GLIS3: variants seen among roughly 807,000 people sequenced by gnomAD.
GLIS3 encodes the protein zinc finger protein GLIS3.
A neutral mutation model predicts 78.6 loss-of-function variants in GLIS3; 53 were observed. That is an observed-to-expected ratio of 0.67 (90% confidence interval 0.54 to 0.85). The LOEUF (loss-of-function observed/expected upper bound fraction) is 0.85, where lower values mean the gene tolerates loss of function less well. GLIS3 is among the 40% of genes least tolerant of loss of function. The probability of loss-of-function intolerance (pLI) is 0.00; values close to 1 mark genes in which losing one functional copy is unlikely to be tolerated. For missense variants in GLIS3, 1,703 were observed against 1,231.1 expected (o/e 1.38, Z -5.74); for synonymous variants, 684 against 509.9 (o/e 1.34, Z -4.60).
the GLIS3 span, among the ~76,000 whole-genome samples, chr9:4,454,713 T>A: frequency 6.6e-6 from 1 of 152,194 alleles, no homozygotes; most frequent in Non-Finnish European, 1.5e-5. Context: ...CCTCTTCTGG[T>A]CTATGGGTTT....
chr9:4,197,132 T>A (rs934220785), intron 2 of GLIS3, among the ~76,000 whole-genome samples: 1 of 151,966 alleles, frequency 6.6e-6, no homozygotes, highest in Non-Finnish European at 1.5e-5. Flanking sequence ...GTGCATAGAT[T>A]GTGGTGCAGT....
intron 2 of GLIS3, among the ~76,000 whole-genome samples, chr9:4,223,442 A>G (rs1385585296): frequency 6.6e-6 from 1 of 152,218 alleles, no homozygotes; most frequent in African/African-American, 2.4e-5. Context: ...CTCACAAACA[A>G]ACCATACAGA....
At chr9:4,309,946 T>C (rs1817320473) in intron 3 of GLIS3, among the ~76,000 whole-genome samples, 1 of 152,260 alleles carries the variant, frequency 6.6e-6, no homozygotes, top group Non-Finnish European at 1.5e-5. Flanking sequence ...GTCTGTGCTA[T>C]ATTTTCAAAG....
intron 4 of GLIS3, among the ~76,000 whole-genome samples, chr9:4,022,827 T>C (rs567358591): frequency 6.6e-6 from 1 of 152,272 alleles, no homozygotes; most frequent in South Asian, 2.1e-4. Context: ...CAAGAAAGTA[T>C]ACACTATATG....
intron 2 of GLIS3, among the ~76,000 whole-genome samples, chr9:4,343,224 C>T (rs1056800623): frequency 2.0e-5 from 3 of 152,052 alleles, no homozygotes; most frequent in African/African-American, 7.2e-5. Context: ...CCCCTGTGGT[C>T]CCAGCTACTT....
chr9:4,269,133 T>G (rs1826275983), intron 2 of GLIS3, among the ~76,000 whole-genome samples: 1 of 152,192 alleles, frequency 6.6e-6, no homozygotes, highest in Non-Finnish European at 1.5e-5. Flanking sequence ...ACAAGACAAC[T>G]CCAATCCTTC....
In GLIS3 at chr9:3,886,456, G is replaced by GA. The variant is rs541959586; in HGVS notation, c.2129-6862dup. Among the ~76,000 whole-genome samples, 22 of 152,282 alleles carry GA rather than the reference G, an allele frequency of 1.4e-4. No homozygotes were observed. In the South Asian group the frequency reaches 3.3e-3, roughly 23 times the overall value. On this transcript the variant is annotated intron_variant, in intron 7 of 10. Transcript: ENST00000381971. ...GCATGACTGCACTTCGTTAAGGAGC[G>GA]AAAATGGGCTGTTACTAAAATGTCA... is the stretch of plus-strand genomic sequence containing the variant.
At chr9:3,968,890 C>A (rs1818161517) in intron 4 of GLIS3, among the ~76,000 whole-genome samples, 1 of 152,214 alleles carries the variant, frequency 6.6e-6, no homozygotes. Context: ...ACTGGACTGT[C>A]TGGGTAAAGA....
rs35272998 is a variant in GLIS3 at position 3,962,946 on chromosome 9, AGG to A, written c.1711-25759_1711-25758del. Among the ~76,000 whole-genome samples, 1,080 of 118,788 alleles carry A rather than the reference AGG, an allele frequency of 9.1e-3. 16 individuals are homozygous for A. Among genetic ancestry groups the A allele is most frequent in the African/African-American group, 0.016 (514 of 31,804 alleles). 77.9% of individuals were successfully genotyped at this position (118,788 alleles called of 152,430 possible). A position where few individuals can be genotyped will look rare whatever the true frequency, so the allele number is the denominator to read the frequency against. ...GTCCAACAAGATCTGCTGTGATTTA[AGG>A]GGGGGGGGGGGAGAGAGATTTATTG... On this transcript the variant is annotated intron_variant, in intron 4 of 10. Transcript: ENST00000381971.
chr9:4,332,827 G>C (rs897780616), intron 2 of GLIS3, among the ~76,000 whole-genome samples: 17 of 151,958 alleles, frequency 1.1e-4, no homozygotes, highest in African/African-American at 4.1e-4. Flanking sequence ...ACGTCTACTG[G>C]GTACTAGATA....
the GLIS3 span, among the ~76,000 whole-genome samples, chr9:4,463,396 T>C: frequency 1.3e-5 from 2 of 152,196 alleles, no homozygotes; most frequent in African/African-American, 4.8e-5. Flanking sequence ...TTATTGTTTC[T>C]CTTCTATCTC....
chr9:4,261,448 T>C (rs1019848525), intron 2 of GLIS3, among the ~76,000 whole-genome samples: 19 of 152,116 alleles, frequency 1.2e-4, no homozygotes, highest in Non-Finnish European at 1.5e-5. Context: ...AATGGAAACA[T>C]GGAGATTAGG....
At chr9:4,484,320 C>T in the GLIS3 span, among the ~76,000 whole-genome samples, 10 of 150,600 alleles carry the variant, frequency 6.6e-5, no homozygotes, top group African/African-American at 2.0e-4. Flanking sequence ...TCACTGCAAC[C>T]TCTGCCTCCC....
upstream of GLIS3, among the ~76,000 whole-genome samples, chr9:4,301,327 C>A (rs1817063662): frequency 6.6e-6 from 1 of 152,154 alleles, no homozygotes; most frequent in African/African-American, 2.4e-5. Context: ...CTTTTAAATA[C>A]AAGTATTCAA....
chr9:4,033,598 C>T (rs1004602744), intron 4 of GLIS3, among the ~76,000 whole-genome samples: 1 of 152,104 alleles, frequency 6.6e-6, no homozygotes, highest in Non-Finnish European at 1.5e-5. Context: ...TGGACTTCCC[C>T]TTGGGAGCTT....
rs12348082 is a variant in GLIS3 at position 4,292,781 on chromosome 9, T to A, written c.-98-6258A>T. ...TAACTTCCCTGGAATAAAACTCCCC[T>A]CTTACACTGCTAAAGTGGGTAAAGT... On this transcript the variant is annotated intron_variant, in intron 1 of 10. Transcript: ENST00000381971. Among the ~76,000 whole-genome samples, 1,092 of 152,316 alleles carry A rather than the reference T, an allele frequency of 7.2e-3. 10 individuals carry two copies. Among genetic ancestry groups the A allele is most frequent in the Middle Eastern group, 0.02 (6 of 294 alleles).
intron 2 of GLIS3, among the ~76,000 whole-genome samples, chr9:4,235,072 G>T (rs557703983): frequency 1.3e-5 from 2 of 152,240 alleles, no homozygotes; most frequent in Admixed American, 6.5e-5. Flanking sequence ...GCCGAGGTGG[G>T]TGGATCACGA....
At position 4,252,893 on chromosome 9, in the gene GLIS3, T is replaced by C. The variant is rs149669286; in HGVS notation, c.388+33145A>G. The stretch of plus-strand genomic sequence containing the variant: ...CCTCTGCTGCAGGTCTGCTGGAGTT[T>C]GCTGGAGCTCCACTCCAGACCCTGT... On this transcript the variant is annotated intron_variant, in intron 2 of 10. Coordinates refer to ENST00000381971, the MANE Select transcript of GLIS3 (RefSeq NM_001042413.2). Among the ~76,000 whole-genome samples, 956 of 152,304 alleles carry C rather than the reference T, an allele frequency of 6.3e-3. 8 individuals carry two copies. Among genetic ancestry groups the C allele is most frequent in the African/African-American group, 0.022 (906 of 41,566 alleles).
At chr9:3,828,774 G>A (rs1288943918) in intron 10 of GLIS3, among the ~76,000 whole-genome samples, 1 of 152,178 alleles carries the variant, frequency 6.6e-6, no homozygotes, top group Middle Eastern at 3.2e-3. Flanking sequence ...AGGAAACAAA[G>A]AGCAAAGACA....
Sources: gnomAD v4.1 joint callset for allele counts (sites outside exome capture counted in the v4.1 genomes callset) on GRCh38, gnomAD v4.1.1 for gene constraint, MANE v1.5 for transcripts, NCBI Gene and HGNC (gene_info 2026-07-23, HGNC 2026-07-21) for gene names.